PEA15: variants seen among roughly 807,000 people sequenced by gnomAD.
PEA15 encodes the protein astrocytic phosphoprotein PEA-15.
For synonymous variants in PEA15, 60 were observed against 61.8 expected (o/e 0.97, Z 0.13); for missense variants, 77 against 161.3 (o/e 0.48, Z 2.83).
rs780727600 is a variant in PEA15, at chr1:160,208,677, G to A, written c.-2-2866G>A. 3 of 1,548,690 alleles carry A rather than the reference G, an allele frequency of 1.9e-6. No homozygotes were observed. The South Asian group carries it at 3.6e-5, about 18-fold the overall frequency. ...CCAGACCAGCCCAGGTACAACTGTT[G>A]ATCAGTGAGAATTGAGAGCAGTTCC... On this transcript the variant is annotated intron_variant, in intron 1 of 3. Coordinates refer to ENST00000360472, the MANE Select transcript of PEA15 (RefSeq NM_003768.5). This position sits in a 1 kb window ranked among gnomAD's most constrained non-coding sequence, Gnocchi z 4.1.
At chr1:160,212,222 T>A (rs200618822) in intron 2 of PEA15, among the ~76,000 whole-genome samples, 1 of 148,172 alleles carries the variant, frequency 6.7e-6, no homozygotes, top group Non-Finnish European at 1.5e-5. Context: ...TAGGGAAGAA[T>A]TGGTGTTTAA....
chr1:160,212,117 A>T (rs1457261318), intron 2 of PEA15, among the ~76,000 whole-genome samples: 1 of 152,224 alleles, frequency 6.6e-6, no homozygotes, highest in Non-Finnish European at 1.5e-5. Flanking sequence ...AAAATTTAAA[A>T]CTACAAGTTC....
Position 160,208,745 on chromosome 1 carries a change from T to G in PEA15, c.-2-2798T>G. ...TTGCTTCTTCTGCCATACTAAGGCC[T>G]AGGCAAATGGATCTCTCCAAGAAGG... On this transcript the variant is annotated intron_variant, in intron 1 of 3. Coordinates refer to ENST00000360472, the MANE Select transcript of PEA15 (RefSeq NM_003768.5). This position sits in a 1 kb window ranked among gnomAD's most constrained non-coding sequence, Gnocchi z 4.1. 43 of 1,187,390 alleles carry G rather than the reference T, an allele frequency of 3.6e-5. No individual in the cohort carries two copies. Among genetic ancestry groups the G allele is most frequent in the African/African-American group, 6.1e-5 (4 of 65,996 alleles). 73.6% of individuals were successfully genotyped at this position (1,187,390 alleles called of 1,614,324 possible).
chr1:160,211,181 G>A (rs1654861667), intron 1 of PEA15: 1 of 540,212 alleles, frequency 1.9e-6, no homozygotes. Context: ...CGATTCTGAG[G>A]GGGGACTTGG....
Position 160,205,445 on chromosome 1 carries a change from G to T in PEA15, c.-80G>T. ...AGCGGCGGCGGCGGCGGCGGGAGCC[G>T]AGGAGGAGGTTCCGGACGCTGCTTA... On this transcript the variant is annotated 5_prime_UTR_variant, in exon 1 of 4. Transcript: ENST00000360472. The surrounding 1 kb of genome is among the most constrained non-coding windows in gnomAD (Gnocchi z 5.9). The T allele has an allele frequency of 5.3e-6, 1 of 190,440 alleles. No individual in the cohort carries two copies. The highest frequency in any genetic ancestry group is 1.1e-4 in the South Asian group (1 of 9,378). 11.8% of individuals were successfully genotyped at this position (190,440 alleles called of 1,614,324 possible).
chr1:160,208,514 G>C lies in PEA15; in HGVS notation c.-3+2992G>C, dbSNP rs1312830965. The stretch of plus-strand genomic sequence containing the variant: ...TGATCCCTGAGCAGCTCTCTGCACT[G>C]CTCCAGAAATCAGGAGGATTTTTCA... On this transcript the variant is annotated intron_variant, in intron 1 of 3. Coordinates refer to ENST00000360472, the MANE Select transcript of PEA15 (RefSeq NM_003768.5). This position sits in a 1 kb window ranked among gnomAD's most constrained non-coding sequence, Gnocchi z 4.1. 8.3e-7 allele frequency: 1 copy of C among 1,209,188 alleles called. No individual in the cohort carries two copies. The highest frequency in any genetic ancestry group is 1.2e-6 in the Non-Finnish European group (1 of 838,964). 74.9% of individuals were successfully genotyped at this position (1,209,188 alleles called of 1,614,324 possible).
At position 160,214,528 on chromosome 1, in the gene PEA15, A is replaced by G. The variant is rs1211174156; in HGVS notation, c.*1042A>G. On this transcript the variant is annotated 3_prime_UTR_variant, in exon 4 of 4. Transcript: ENST00000360472. ...CCTCCTAGCCACATCACTACAGTACAGTGAGTGACCCCAGCCTCCTGCCTA... is the reference window on the plus strand; with the variant it reads ...CCTCCTAGCCACATCACTACAGTACGGTGAGTGACCCCAGCCTCCTGCCTA... 1 of 152,582 alleles carries G rather than the reference A, an allele frequency of 6.6e-6. No individual in the cohort carries two copies. Among genetic ancestry groups the G allele is most frequent in the African/African-American group, 2.4e-5 (1 of 41,392 alleles). The allele number at this position is 152,582 out of a possible 1,614,324, so 9.5% of individuals were successfully genotyped here.
Position 160,208,935 on chromosome 1 carries a change from A to C in PEA15, c.-2-2608A>C, listed in dbSNP as rs911233. On this transcript the variant is annotated intron_variant, in intron 1 of 3. Transcript: ENST00000360472. The surrounding 1 kb of genome is among the most constrained non-coding windows in gnomAD (Gnocchi z 4.1). ...TGAGGTTGCTATAGTAACAGATGAG[A>C]TGAGGCTACAGCCTTCTATAGTTGT... 0.99 allele frequency: 478,101 copies of C among 480,608 alleles called. 237,853 individuals carry two copies. Among genetic ancestry groups the C allele is most frequent in the East Asian group, 1 (28,014 of 28,014 alleles). 29.8% of individuals were successfully genotyped at this position (480,608 alleles called of 1,614,324 possible).
chr1:160,211,883 C>T (rs1654888696), intron 2 of PEA15, among the ~76,000 whole-genome samples, 167 bp downstream of exon 2: 1 of 152,146 alleles, frequency 6.6e-6, no homozygotes, highest in African/African-American at 2.4e-5. Context: ...TTTCACTGTG[C>T]CCCTCATCGG....
chr1:160,213,502 A>T lies in PEA15; in HGVS notation c.*16A>T. 1.2e-6 allele frequency: 2 copies of T among 1,612,614 alleles called. No individual in the cohort carries two copies. The highest frequency in any genetic ancestry group is 1.7e-6 in the Non-Finnish European group (2 of 1,178,828). Reference sequence around the variant, plus strand: ...GAAGGCCTGAGCAAGGGGGAGGAAGAGGAGGAAGGTTGGACCTTCATCAGA... The same window carrying T: ...GAAGGCCTGAGCAAGGGGGAGGAAGTGGAGGAAGGTTGGACCTTCATCAGA... On this transcript the variant is annotated 3_prime_UTR_variant, in exon 4 of 4. Transcript: ENST00000360472. This position sits in a 1 kb window ranked among gnomAD's most constrained non-coding sequence, Gnocchi z 5.3.
rs572543090 is a variant in PEA15, at chr1:160,205,981, G to C, written c.-3+459G>C. ...AAGAGGTGGGCTTGGCGGAAAGCTT[G>C]TCCAGAGGGAAGGAGGAGCTGGGGG... On this transcript the variant is annotated intron_variant, in intron 1 of 3. Coordinates refer to ENST00000360472, the MANE Select transcript of PEA15 (RefSeq NM_003768.5). This position sits in a 1 kb window ranked among gnomAD's most constrained non-coding sequence, Gnocchi z 5.9. 2 of 152,380 alleles carry C rather than the reference G, an allele frequency of 1.3e-5. No individual in the cohort carries two copies. The highest frequency in any genetic ancestry group is 4.8e-5 in the African/African-American group (2 of 41,580). The allele number at this position is 152,380 out of a possible 1,614,324, so 9.4% of individuals were successfully genotyped here. A position where few individuals can be genotyped will look rare whatever the true frequency, so the allele number is the denominator to read the frequency against.
At position 160,205,861 on chromosome 1, in the gene PEA15, C is replaced by A. The variant is rs1228782405; in HGVS notation, c.-3+339C>A. ...CCTCCCTCCCCGCTCAGGCTTCGGA[C>A]TCGCCTCCGCTGGCGGTCTCCCGGC... is the stretch of plus-strand genomic sequence containing the variant. On this transcript the variant is annotated intron_variant, in intron 1 of 3. Coordinates refer to ENST00000360472, the MANE Select transcript of PEA15 (RefSeq NM_003768.5). This position sits in a 1 kb window ranked among gnomAD's most constrained non-coding sequence, Gnocchi z 5.9. 6.6e-6 allele frequency: 1 copy of A among 152,152 alleles called. No individual in the cohort carries two copies. Among genetic ancestry groups the A allele is most frequent in the Non-Finnish European group, 1.5e-5 (1 of 68,092 alleles). 9.4% of individuals were successfully genotyped at this position (152,152 alleles called of 1,614,324 possible).
At chr1:160,212,345 G>C (rs1047693633) in intron 2 of PEA15, among the ~76,000 whole-genome samples, 1 of 152,100 alleles carries the variant, frequency 6.6e-6, no homozygotes, top group African/African-American at 2.4e-5. Flanking sequence ...AATCAGTCCT[G>C]CTTGGCTTGA....
chr1:160,206,495 C>T lies in PEA15; in HGVS notation c.-3+973C>T, dbSNP rs556811181. 4 of 152,590 alleles carry T rather than the reference C, an allele frequency of 2.6e-5. No individual in the cohort carries two copies. The East Asian group carries it at 7.7e-4, about 29-fold the overall frequency. 9.5% of individuals were successfully genotyped at this position (152,590 alleles called of 1,614,324 possible). A position where few individuals can be genotyped will look rare whatever the true frequency, so the allele number is the denominator to read the frequency against. On this transcript the variant is annotated intron_variant, in intron 1 of 3. Coordinates refer to ENST00000360472, the MANE Select transcript of PEA15 (RefSeq NM_003768.5). ...CTTCTCTTCCTGGGTCCAGTTAGGG[C>T]TTAGCGTGCTGGGAGTGGCTAGTTT... is the stretch of plus-strand genomic sequence containing the variant.
At position 160,208,854 on chromosome 1, in the gene PEA15, A is replaced by T; in HGVS notation, c.-2-2689A>T. ...TCCCTTCTTACTCACCATTCCCTAC[A>T]CTCCTCCCATCTAGTGGTGTCATCC... On this transcript the variant is annotated intron_variant, in intron 1 of 3. Transcript: ENST00000360472. The surrounding 1 kb of genome is among the most constrained non-coding windows in gnomAD (Gnocchi z 4.1). 2 of 494,732 alleles carry T rather than the reference A, an allele frequency of 4.0e-6. No individual in the cohort carries two copies. The highest frequency in any genetic ancestry group is 7.3e-6 in the Non-Finnish European group (2 of 274,922). The allele number at this position is 494,732 out of a possible 1,614,324, so 30.6% of individuals were successfully genotyped here.
rs1354305261 is a variant in PEA15, at chr1:160,208,799, C to T, written c.-2-2744C>T. ...GCAACTGGGCTGCCTTTCCTTGTAC[C>T]GTCAGGGGGCCTTATTCCTATCCTT... On this transcript the variant is annotated intron_variant, in intron 1 of 3. Coordinates refer to ENST00000360472, the MANE Select transcript of PEA15 (RefSeq NM_003768.5). This position sits in a 1 kb window ranked among gnomAD's most constrained non-coding sequence, Gnocchi z 4.1. The T allele has an allele frequency of 1.0e-5, 7 of 701,336 alleles. No homozygotes were observed. Among genetic ancestry groups the T allele is most frequent in the Admixed American group, 6.8e-5 (3 of 44,410 alleles). The allele number at this position is 701,336 out of a possible 1,614,324, so 43.4% of individuals were successfully genotyped here.
intron 1 of PEA15, among the ~76,000 whole-genome samples, chr1:160,207,679 A>G (rs1654659266): frequency 2.6e-5 from 4 of 152,170 alleles, no homozygotes; most frequent in Non-Finnish European, 5.9e-5. Flanking sequence ...AGGAGTAAAG[A>G]CAACCCCCTC....
chr1:160,211,475 G>A, intron 1 of PEA15, 68 bp from the exon 2 acceptor site: 1 of 1,485,286 alleles, frequency 6.7e-7, no homozygotes, highest in South Asian at 1.4e-5. Context: ...GGAGGGTAGT[G>A]CCAGTGAGTA....
chr1:160,213,299 T>C lies in PEA15; in HGVS notation c.328+34T>C, dbSNP rs1490029451. On this transcript the variant is annotated intron_variant, in intron 3 of 3. Coordinates refer to ENST00000360472, the MANE Select transcript of PEA15 (RefSeq NM_003768.5). The surrounding 1 kb of genome is among the most constrained non-coding windows in gnomAD (Gnocchi z 5.3). Reference sequence around the variant, plus strand: ...CCACTCCTTTAACTAGCTGCACCTCTGCCTCGTCCCGTTGACTATCCTTGG... The same window carrying C: ...CCACTCCTTTAACTAGCTGCACCTCCGCCTCGTCCCGTTGACTATCCTTGG... 1 of 1,614,058 alleles carries C rather than the reference T, an allele frequency of 6.2e-7. No individual in the cohort carries two copies. The highest frequency in any genetic ancestry group is 1.3e-5 in the African/African-American group (1 of 75,070).
Sources: gnomAD v4.1 joint callset for allele counts (sites outside exome capture counted in the v4.1 genomes callset) on GRCh38, gnomAD v4.1.1 for gene constraint, Gnocchi (gnomAD v3.1) non-coding constraint, MANE v1.5 for transcripts, NCBI Gene and HGNC (gene_info 2026-07-23, HGNC 2026-07-21) for gene names.